AASS: variants seen among roughly 807,000 people sequenced by gnomAD.
The protein encoded by AASS is alpha-aminoadipic semialdehyde synthase, mitochondrial.
A neutral mutation model predicts 105.4 loss-of-function variants in AASS; 86 were observed. The ratio of observed to expected loss-of-function variants is 0.82; its 90% confidence interval spans 0.69 to 0.98. The LOEUF (loss-of-function observed/expected upper bound fraction) is 0.98, where lower values mean the gene tolerates loss of function less well. Among genes scored for constraint, AASS ranks in the 50% least tolerant of loss-of-function variants. The pLI is 0.00. For missense variants in AASS, 1,048 were observed against 1,143.2 expected (o/e 0.92, Z 1.20); for synonymous variants, 381 against 394.8 (o/e 0.96, Z 0.41).
rs749292897 is a variant in AASS, at chr7:122,076,418, C to T, written c.*71G>A. ...TTTATACTTTAAAACAGCACATTAG[C>T]AAACCCATTTATCACACACATGTTC... is the stretch of plus-strand genomic sequence containing the variant. On this transcript the variant is annotated 3_prime_UTR_variant, in exon 24 of 24. Coordinates refer to ENST00000417368, the MANE Select transcript of AASS (RefSeq NM_005763.4). 2.9e-6 allele frequency: 3 copies of T among 1,031,360 alleles called. No homozygotes were observed. The highest frequency in any genetic ancestry group is 4.6e-6 in the Non-Finnish European group (3 of 649,680). The allele number at this position is 1,031,360 out of a possible 1,614,324, so 63.9% of individuals were successfully genotyped here.
At chr7:122,101,757 A>C in intron 11 of AASS, 77 bp from the exon 12 acceptor site, 2 of 1,082,520 alleles carry the variant, frequency 1.8e-6, no homozygotes, top group Non-Finnish European at 2.8e-6. Context: ...CCATATTAAA[A>C]TATTAATCAA....
intron 15 of AASS, among the ~76,000 whole-genome samples, chr7:122,093,443 A>G (rs1404430676): frequency 6.6e-6 from 1 of 152,214 alleles, no homozygotes; most frequent in Non-Finnish European, 1.5e-5. Flanking sequence ...CCAAAAAGAC[A>G]CAGGCACTCA....
intron 18 of AASS, among the ~76,000 whole-genome samples, chr7:122,089,243 T>C (rs1793782174): frequency 6.6e-6 from 1 of 152,110 alleles, no homozygotes; most frequent in South Asian, 2.1e-4. Flanking sequence ...GACTGAATAA[T>C]GCAGCACCTA....
At chr7:122,136,498 T>C (rs1021476003) in intron 1 of AASS, among the ~76,000 whole-genome samples, 1 of 152,226 alleles carries the variant, frequency 6.6e-6, no homozygotes, top group Non-Finnish European at 1.5e-5. Context: ...TGCATCTATT[T>C]TTTGTTTATT....
chr7:122,099,185 T>C (rs549212051), intron 13 of AASS, among the ~76,000 whole-genome samples: 148 of 152,048 alleles, frequency 9.7e-4, no homozygotes, highest in Non-Finnish European at 1.8e-3. Flanking sequence ...TTTTCTTGGC[T>C]TACTTGTGAT....
intron 1 of AASS, among the ~76,000 whole-genome samples, chr7:122,140,313 G>A (rs963978071): frequency 6.6e-6 from 1 of 151,046 alleles, no homozygotes; most frequent in Non-Finnish European, 1.5e-5. Flanking sequence ...GTGAAACCCC[G>A]TCTCTACTAA....
At chr7:122,090,228 C>T (rs146463083) in intron 18 of AASS, among the ~76,000 whole-genome samples, 65 of 152,206 alleles carry the variant, frequency 4.3e-4, no homozygotes, top group East Asian at 1.4e-3. Context: ...CACATCATTC[C>T]GGCATCAAGC....
chr7:122,084,718 A>G (rs1022531702), intron 19 of AASS, among the ~76,000 whole-genome samples: 1 of 152,146 alleles, frequency 6.6e-6, no homozygotes, highest in Non-Finnish European at 1.5e-5. Context: ...GCAAAAAAAG[A>G]TAAGAGAACG....
At chr7:122,126,879 C>T in intron 3 of AASS, among the ~76,000 whole-genome samples, 1 of 152,158 alleles carries the variant, frequency 6.6e-6, no homozygotes, top group East Asian at 1.9e-4. Context: ...CTCATGTCCT[C>T]CAAGACCACT....
Position 122,092,885 on chromosome 7 carries a change from T to TA in AASS, c.1832dup (p.Leu611PhefsTer8). On this transcript the variant is annotated frameshift_variant, in exon 17 of 24. Transcript: ENST00000417368. LOFTEE classifies it high-confidence loss of function. ...TGGCTTTATCTATTGTTTCCATTGC[T>TA]AACATGTGATCCAGACCAGGGTCCA... 6.2e-7 allele frequency: 1 copy of TA among 1,613,970 alleles called. No individual in the cohort carries two copies. The highest frequency in any genetic ancestry group is 8.5e-7 in the Non-Finnish European group (1 of 1,179,908).
At chr7:122,079,892 C>T (rs1339620140) in intron 20 of AASS, among the ~76,000 whole-genome samples, 180 bp from the exon 21 acceptor site, 1 of 152,116 alleles carries the variant, frequency 6.6e-6, no homozygotes, top group African/African-American at 2.4e-5. Flanking sequence ...CATACCTACA[C>T]ATCAATAAAT....
chr7:122,101,621 A>C lies in AASS; in HGVS notation c.1338T>G (p.Asp446Glu). 1 of 1,609,800 alleles carries C rather than the reference A, an allele frequency of 6.2e-7. No homozygotes were observed. Among genetic ancestry groups the C allele is most frequent in the Non-Finnish European group, 8.5e-7 (1 of 1,176,768 alleles). ...ESQNFSPVVR[D>E]AVITSNGTLP... is the part of the protein sequence containing the mutation. ...AAAAAATATTCTGCTCATAACTTAC[A>C]TCTCTCACCACAGGAGAAAAATTCT... is the stretch of plus-strand genomic sequence containing the variant. Residue 446 changes from aspartate (D) to glutamate (E), a missense_variant and splice_region_variant, in exon 12 of 24, where the codon GAT (aspartate) becomes GAG (glutamate). By Grantham distance (45) the Asp-to-Glu change is conservative. Transcript: ENST00000417368.
In AASS at chr7:122,074,891, ACTC is replaced by A. The variant is rs1413148776; in HGVS notation, c.*1595_*1597del. ...TTTGTTTTTTTTGAGTCAAGGTCTAACTCTGTCATCCAGGCTGGATTGCAGTGA... is the reference window on the plus strand; with the variant it reads ...TTTGTTTTTTTTGAGTCAAGGTCTAATGTCATCCAGGCTGGATTGCAGTGA... On this transcript the variant is annotated 3_prime_UTR_variant, in exon 24 of 24. Transcript: ENST00000417368. Among the ~76,000 whole-genome samples the A allele has an allele frequency of 1.2e-4, 18 of 151,874 alleles. No homozygotes were observed. Among genetic ancestry groups the A allele is most frequent in the Admixed American group, 2.0e-4 (3 of 15,226 alleles).
chr7:122,134,169 A>C (rs1472745061), intron 1 of AASS, among the ~76,000 whole-genome samples: 2 of 152,182 alleles, frequency 1.3e-5, no homozygotes. Context: ...GATTCTTCAC[A>C]ATTTAGTGCC....
chr7:122,133,713 T>G lies in AASS; in HGVS notation c.14A>C (p.His5Pro). 6.2e-7 allele frequency: 1 copy of G among 1,614,158 alleles called. No individual in the cohort carries two copies. Among genetic ancestry groups the G allele is most frequent in the Non-Finnish European group, 8.5e-7 (1 of 1,180,030 alleles). MLQV[H>P]RTGLGRLGVS... ...CCCCAGCCTGCCCAGTCCAGTCCTA[T>G]GTACTTGCAGCATCTTGACACCTGG... The change falls in exon 2 of 24, where the codon CAT (histidine) becomes CCT (proline). Residue 5 changes from histidine (H) to proline (P), a missense_variant. Transcript: ENST00000417368.
At chr7:122,093,441 A>G (rs922418406) in intron 15 of AASS, among the ~76,000 whole-genome samples, 59 of 152,342 alleles carry the variant, frequency 3.9e-4, no homozygotes, top group African/African-American at 1.3e-3. Context: ...TACCAAAAAG[A>G]CACAGGCACT....
rs566589785 is a variant in AASS, at chr7:122,136,519, G to GT, written c.-15-2779dup. ...TATTTTTTGTTTATTCATATCTTCT[G>GT]TTTTTTAAAATAGATTGCATTAAAC... On this transcript the variant is annotated intron_variant, in intron 1 of 23. Coordinates refer to ENST00000417368, the MANE Select transcript of AASS (RefSeq NM_005763.4). Among the ~76,000 whole-genome samples, 47 of 152,248 alleles carry GT rather than the reference G, an allele frequency of 3.1e-4. 1 individual carries two copies. The highest frequency in any genetic ancestry group is 5.9e-4 in the Admixed American group (9 of 15,286).
rs780322008 is a variant in AASS, at chr7:122,113,268, A to T, written c.1167-39T>A. The T allele has an allele frequency of 3.8e-6, 6 of 1,562,648 alleles. No homozygotes were observed. The South Asian group carries it at 6.7e-5, about 17-fold the overall frequency. On this transcript the variant is annotated intron_variant, in intron 10 of 23. Transcript: ENST00000417368. ...TGTGGTTTATTCAGAAGCACAAAAC[A>T]TTATTTGTAAGTTCTGACTTTTCCA...
intron 6 of AASS, among the ~76,000 whole-genome samples, chr7:122,117,872 C>A (rs1357218418): frequency 6.6e-6 from 1 of 151,792 alleles, no homozygotes; most frequent in African/African-American, 2.4e-5. Flanking sequence ...GCCAGGTTGG[C>A]CTCGAACTCC....
Sources: allele counts gnomAD v4.1 joint callset (sites outside exome capture counted in the v4.1 genomes callset), GRCh38; gene constraint gnomAD v4.1.1; transcripts MANE v1.5; gene names NCBI Gene and HGNC (gene_info 2026-07-23, HGNC 2026-07-21).